The following EIF3M variants were observed in gnomAD, a reference collection of about 807,000 sequenced individuals.
EIF3M encodes the protein eukaryotic translation initiation factor 3 subunit M, also known as B5 receptor.
A neutral mutation model predicts 49.7 loss-of-function variants in EIF3M; 25 were observed. The observed-to-expected ratio is 0.50, with a 90% CI of 0.37 to 0.70. EIF3M has a LOEUF of 0.70. EIF3M is among the 30% of genes least tolerant of loss of function. The pLI, the probability that EIF3M is intolerant of heterozygous loss-of-function variation, is 0.00. For synonymous variants in EIF3M, 156 were observed against 149.8 expected (o/e 1.04, Z -0.30); for missense variants, 350 against 440.0 (o/e 0.80, Z 1.83).
In EIF3M at chr11:32,600,699, T is replaced by C. The variant is rs1414574456; in HGVS notation, c.810T>C (p.His270=). 5.0e-6 allele frequency: 8 copies of C among 1,609,184 alleles called. No individual in the cohort carries two copies. The South Asian group carries it at 7.8e-5, about 16-fold the overall frequency. ...KDFIDSLGLL[H]EQNMAKMRLL... is the part of the protein sequence containing the mutation. ...TATTCTGTTTTCTAGGCCTGTTACA[T>C]GAACAGAATATGGCAAAAATGAGAC... Residue 270 remains histidine (H), a synonymous_variant, in exon 9 of 11, where the codon CAT becomes CAC. Transcript: ENST00000531120.
chr11:32,601,965 T>TA (rs1855275133), intron 10 of EIF3M, 143 bp downstream of exon 10: 5 of 937,234 alleles, frequency 5.3e-6, no homozygotes, highest in Non-Finnish European at 8.1e-6. Flanking sequence ...TTATTAAAGT[T>TA]CAGACTGAAT....
chr11:32,596,148 G>A (rs1855174135), intron 8 of EIF3M, 101 bp downstream of exon 8: 1 of 903,138 alleles, frequency 1.1e-6, no homozygotes, highest in East Asian at 2.9e-5. Context: ...GGCCTTATTT[G>A]TAGATTATCC....
chr11:32,604,762 G>A lies in EIF3M; in HGVS notation c.*2363G>A, dbSNP rs1741675106. ...ATCTTTGTGAAGATCTTTGGGTACT[G>A]CCTTACATTAAAATCTTTTTCAATT... On this transcript the variant is annotated 3_prime_UTR_variant, in exon 11 of 11. Transcript: ENST00000531120. 6.6e-6 allele frequency: 1 copy of A among 152,096 alleles called. No individual in the cohort carries two copies. Among genetic ancestry groups the A allele is most frequent in the Non-Finnish European group, 1.5e-5 (1 of 68,018 alleles). The allele number at this position is 152,096 out of a possible 1,614,324, so 9.4% of individuals were successfully genotyped here.
intron 1 of EIF3M, among the ~76,000 whole-genome samples, chr11:32,586,549 C>A (rs1855001011): frequency 6.6e-6 from 1 of 152,164 alleles, no homozygotes. Flanking sequence ...CAAATGATTA[C>A]CCTTTTGCCA....
intron 7 of EIF3M, 64 bp downstream of exon 7, chr11:32,595,077 G>A (rs1394928610): frequency 2.8e-6 from 4 of 1,425,640 alleles, no homozygotes; most frequent in Non-Finnish European, 3.9e-6. Context: ...TACTGAAGCA[G>A]GACTCTTTTT....
intron 10 of EIF3M, 73 bp from the exon 11 acceptor site, chr11:32,602,206 A>G: frequency 6.4e-7 from 1 of 1,571,394 alleles, no homozygotes; most frequent in Non-Finnish European, 8.6e-7. Flanking sequence ...CTGGATTCAA[A>G]TCTGTAGTAT....
In EIF3M at chr11:32,606,021, A is replaced by T. The variant is rs909985227; in HGVS notation, c.*3622A>T. 3.9e-5 allele frequency: 6 copies of T among 152,168 alleles called. No homozygotes were observed. The highest frequency in any genetic ancestry group is 8.8e-5 in the Non-Finnish European group (6 of 68,014). 9.4% of individuals were successfully genotyped at this position (152,168 alleles called of 1,614,324 possible). ...TCTAATTCATTGGATATATAAAAAAAAAAGTAAGTGGCTTGCTTTGCTTAC... is the reference window on the plus strand; with the variant it reads ...TCTAATTCATTGGATATATAAAAAATAAAGTAAGTGGCTTGCTTTGCTTAC... On this transcript the variant is annotated 3_prime_UTR_variant, in exon 11 of 11. Transcript: ENST00000531120.
chr11:32,590,138 C>T (rs917387677), intron 5 of EIF3M, among the ~76,000 whole-genome samples: 3 of 151,944 alleles, frequency 2.0e-5, no homozygotes, highest in South Asian at 2.1e-4. Context: ...TTCTATAGCC[C>T]GTGTACTAAG....
chr11:32,587,270 CTG>C, intron 2 of EIF3M, 126 bp downstream of exon 2: 1 of 944,940 alleles, frequency 1.1e-6, no homozygotes, highest in East Asian at 2.8e-5. Flanking sequence ...AGAAGGCTGA[CTG>C]TATTTATATG....
chr11:32,594,006 A>G (rs1018417508), intron 6 of EIF3M, 57 bp downstream of exon 6: 1 of 1,186,608 alleles, frequency 8.4e-7, no homozygotes, highest in Non-Finnish European at 1.1e-6. Flanking sequence ...GTAAGCTACA[A>G]TATTAAATTA....
rs1195476728 is a variant in EIF3M, at chr11:32,604,818, T to C, written c.*2419T>C. 1 of 152,156 alleles carries C rather than the reference T, an allele frequency of 6.6e-6. No homozygotes were observed. The highest frequency in any genetic ancestry group is 1.5e-5 in the Non-Finnish European group (1 of 68,022). 9.4% of individuals were successfully genotyped at this position (152,156 alleles called of 1,614,324 possible). On this transcript the variant is annotated 3_prime_UTR_variant, in exon 11 of 11. Transcript: ENST00000531120. ...AGTAAAAGTGGCATGTTAGTAACATTGTCATTTTCAGTGTTAGATTATGTA... is the reference window on the plus strand; with the variant it reads ...AGTAAAAGTGGCATGTTAGTAACATCGTCATTTTCAGTGTTAGATTATGTA...
At chr11:32,593,795 C>G in intron 5 of EIF3M, 71 bp from the exon 6 acceptor site, 2 of 1,051,440 alleles carry the variant, frequency 1.9e-6, no homozygotes, top group Non-Finnish European at 2.6e-6. Context: ...CAGTACCTGC[C>G]TCTTAAAAAT....
At position 32,595,877 on chromosome 11, in the gene EIF3M, TTAAAA is replaced by T. The variant is rs147860021; in HGVS notation, c.718-85_718-81del. 1,123 of 1,016,556 alleles carry T rather than the reference TTAAAA, an allele frequency of 1.1e-3. 11 individuals carry two copies. In the African/African-American group the frequency reaches 0.018, roughly 16 times the overall value. 63.0% of individuals were successfully genotyped at this position (1,016,556 alleles called of 1,614,324 possible). On this transcript the variant is annotated intron_variant, in intron 7 of 10. Transcript: ENST00000531120. ...GAACAAAATGTAGGAGTCAGTATCT[TTAAAA>T]TAATATTTACAATATCTTAGAATAT... is the stretch of plus-strand genomic sequence containing the variant.
intron 3 of EIF3M, 106 bp from the exon 4 acceptor site, chr11:32,588,906 A>G (rs187873377): frequency 4.6e-6 from 7 of 1,537,508 alleles, no homozygotes. Context: ...CCTTTGTAAT[A>G]TGAAGTTGTT....
intron 10 of EIF3M, 171 bp from the exon 11 acceptor site, chr11:32,602,108 C>T (rs1236863585): frequency 2.7e-6 from 3 of 1,091,842 alleles, no homozygotes; most frequent in Non-Finnish European, 4.0e-6. Flanking sequence ...GGCTTAGGAT[C>T]AATATGGTAA....
Position 32,587,046 on chromosome 11 carries a change from G to T in EIF3M, c.77G>T (p.Gly26Val). 2 of 1,612,554 alleles carry T rather than the reference G, an allele frequency of 1.2e-6. No homozygotes were observed. Among genetic ancestry groups the T allele is most frequent in the Non-Finnish European group, 1.7e-6 (2 of 1,178,872 alleles). ...CTTCGTGCTTATCTGAAATCTAAAG[G>T]AGCTGAGATTTCAGAAGAGAACTCG... Reference protein sequence around the residue: ...AELRAYLKSKGAEISEENSEG... With the variant: ...AELRAYLKSKVAEISEENSEG... The change falls in exon 2 of 11, where the codon GGA becomes GTA. Residue 26 changes from glycine to valine, a missense_variant. Coordinates refer to ENST00000531120, the MANE Select transcript of EIF3M (RefSeq NM_006360.6).
At chr11:32,588,876 T>C in intron 3 of EIF3M, 136 bp from the exon 4 acceptor site, 2 of 1,532,808 alleles carry the variant, frequency 1.3e-6, no homozygotes, top group Non-Finnish European at 1.8e-6. Context: ...TGGCTTGACC[T>C]TTCTGTGCCC....
chr11:32,585,361 T>G (rs1040856383), intron 1 of EIF3M, among the ~76,000 whole-genome samples: 6 of 152,188 alleles, frequency 3.9e-5, no homozygotes, highest in African/African-American at 1.4e-4. Context: ...TCTTAAAGTG[T>G]CTTTTCTCAG....
intron 9 of EIF3M, 102 bp downstream of exon 9, chr11:32,600,934 A>G: frequency 7.0e-7 from 1 of 1,425,832 alleles, no homozygotes; most frequent in Non-Finnish European, 9.4e-7. Context: ...CACAACAAAG[A>G]TTTGTTTATA....
Sources: allele counts gnomAD v4.1 joint callset (sites outside exome capture counted in the v4.1 genomes callset), GRCh38; gene constraint gnomAD v4.1.1; transcripts MANE v1.5; gene names NCBI Gene and HGNC (gene_info 2026-07-23, HGNC 2026-07-21).